SEM1: variants seen among roughly 807,000 people sequenced by gnomAD.
The protein encoded by SEM1 is SEM1 26S proteasome subunit.
Under a neutral mutation model 12.7 loss-of-function variants are expected in SEM1, and 3 were observed. That is an observed-to-expected ratio of 0.24 (90% CI 0.11 to 0.61). The LOEUF is 0.61. Ranked by LOEUF, SEM1 falls within the 20% of genes least tolerant of loss-of-function variation. SEM1 has a pLI of 0.88. For synonymous variants in SEM1, 30 were observed against 27.8 expected (o/e 1.08, Z -0.25); for missense variants, 59 against 81.3 (o/e 0.73, Z 1.06).
chr7:96,670,013 C>T (rs1789272183), downstream of SEM1, among the ~76,000 whole-genome samples: 1 of 152,152 alleles, frequency 6.6e-6, no homozygotes, highest in Admixed American at 6.6e-5. Flanking sequence ...CCTGAGGCAA[C>T]ATGACTAGTA....
At chr7:96,502,383 A>G (rs1803595814) in intron 3 of SEM1, among the ~76,000 whole-genome samples, 1 of 152,138 alleles carries the variant, frequency 6.6e-6, no homozygotes, top group Non-Finnish European at 1.5e-5. Flanking sequence ...GTGGATAGGT[A>G]GTGGCAGTCT....
intron 2 of SEM1, among the ~76,000 whole-genome samples, chr7:96,541,977 C>T (rs1384679289): frequency 3.3e-5 from 4 of 120,496 alleles, no homozygotes; most frequent in African/African-American, 1.3e-4. Context: ...CAATAGCATG[C>T]TCTTTGGGTT....
At chr7:96,577,835 T>G (rs1163720131) in intron 2 of SEM1, among the ~76,000 whole-genome samples, 1 of 150,908 alleles carries the variant, frequency 6.6e-6, no homozygotes, top group East Asian at 1.9e-4. Context: ...TAAACCACCA[T>G]GAGCAAGAGT....
At chr7:96,529,874 G>A (rs919366238) in intron 2 of SEM1, among the ~76,000 whole-genome samples, 6 of 152,044 alleles carry the variant, frequency 3.9e-5, no homozygotes, top group Admixed American at 2.0e-4. Context: ...CTTTCACTGC[G>A]GTACTAATGC....
intron 2 of SEM1, among the ~76,000 whole-genome samples, chr7:96,594,965 T>C (rs1023529285): frequency 6.6e-6 from 1 of 152,136 alleles, no homozygotes; most frequent in Non-Finnish European, 1.5e-5. Context: ...TCTATAAAAA[T>C]GAATATATTT....
At chr7:96,623,322 C>T (rs1004769054) in intron 2 of SEM1, among the ~76,000 whole-genome samples, 1 of 151,954 alleles carries the variant, frequency 6.6e-6, no homozygotes, top group Non-Finnish European at 1.5e-5. Flanking sequence ...CATGGGTTTC[C>T]AACTGTAGAC....
intron 2 of SEM1, among the ~76,000 whole-genome samples, chr7:96,526,965 C>T (rs1340391357): frequency 6.6e-6 from 1 of 151,852 alleles, no homozygotes; most frequent in Non-Finnish European, 1.5e-5. Context: ...AAGAATATAC[C>T]AACAGGGAAG....
chr7:96,541,647 G>A (rs975986527), intron 2 of SEM1, among the ~76,000 whole-genome samples: 1 of 151,236 alleles, frequency 6.6e-6, no homozygotes, highest in Non-Finnish European at 1.5e-5. Context: ...TTGCTTTTGA[G>A]GTCTTAGACA....
At chr7:96,584,513 CT>C (rs1806539591) in intron 2 of SEM1, among the ~76,000 whole-genome samples, 1 of 152,020 alleles carries the variant, frequency 6.6e-6, no homozygotes, top group Admixed American at 6.6e-5. Flanking sequence ...GAACGTTGGC[CT>C]GCCTTGCTAG....
upstream of SEM1, among the ~76,000 whole-genome samples, chr7:96,498,377 C>G (rs78252371): frequency 3.3e-5 from 5 of 151,912 alleles, no homozygotes; most frequent in Admixed American, 2.6e-4. Context: ...GCACGTGTGT[C>G]TGTGTAAGTG....
At chr7:96,662,526 G>A (rs1216825440) in intron 2 of SEM1, among the ~76,000 whole-genome samples, 6 of 152,058 alleles carry the variant, frequency 3.9e-5, no homozygotes, top group African/African-American at 1.4e-4. Context: ...TCAGGGGGTG[G>A]GAGGCAAGGG....
intron 3 of SEM1, among the ~76,000 whole-genome samples, chr7:96,505,800 C>T (rs1043001197): frequency 6.6e-6 from 1 of 152,006 alleles, no homozygotes; most frequent in Non-Finnish European, 1.5e-5. Flanking sequence ...AACCTAACCA[C>T]CTCGCAAAAC....
intron 2 of SEM1, among the ~76,000 whole-genome samples, chr7:96,667,278 C>G (rs773598707): frequency 5.3e-5 from 8 of 152,136 alleles, no homozygotes; most frequent in Non-Finnish European, 8.8e-5. Flanking sequence ...CAGCCTTTGG[C>G]GGCCGGTTTC....
intron 2 of SEM1, among the ~76,000 whole-genome samples, chr7:96,572,708 G>C (rs1806075904): frequency 6.6e-6 from 1 of 152,036 alleles, no homozygotes; most frequent in African/African-American, 2.4e-5. Context: ...CCAATTATGT[G>C]GTCATTTTTA....
chr7:96,652,651 A>T (rs1379446970), intron 2 of SEM1, among the ~76,000 whole-genome samples: 2 of 152,214 alleles, frequency 1.3e-5, no homozygotes, highest in African/African-American at 4.8e-5. Flanking sequence ...AAAGAAATCT[A>T]AGCTACTTTA....
chr7:96,486,421 TA>T, intron 1 of SEM1: 1 of 1,536,512 alleles, frequency 6.5e-7, no homozygotes, highest in Non-Finnish European at 8.7e-7. Context: ...TGGAGTCCTA[TA>T]AGGGAAGTTG....
upstream of SEM1, among the ~76,000 whole-genome samples, chr7:96,501,277 T>C (rs972962724): frequency 6.6e-6 from 1 of 152,148 alleles, no homozygotes; most frequent in Non-Finnish European, 1.5e-5. Context: ...TCCACTTCTC[T>C]ATATGGAAAT....
chr7:96,704,800 A>G (rs533146367), intron 1 of SEM1, among the ~76,000 whole-genome samples: 107 of 152,352 alleles, frequency 7.0e-4, no homozygotes, highest in African/African-American at 2.5e-3. Context: ...AATACTGGTC[A>G]CATCTATCTT....
intron 2 of SEM1, among the ~76,000 whole-genome samples, chr7:96,590,200 G>T (rs1160898658): frequency 6.6e-6 from 1 of 152,052 alleles, no homozygotes; most frequent in Non-Finnish European, 1.5e-5. Flanking sequence ...CAACTTTAGG[G>T]TTCCCAGATA....
Sources: allele counts gnomAD v4.1 joint callset (sites outside exome capture counted in the v4.1 genomes callset), GRCh38; gene constraint gnomAD v4.1.1; transcripts MANE v1.5; gene names NCBI Gene and HGNC (gene_info 2026-07-23, HGNC 2026-07-21).